CCNI: variants seen among roughly 807,000 people sequenced by gnomAD.
CCNI encodes cyclin-I.
A neutral mutation model predicts 34.1 loss-of-function variants in CCNI; 14 were observed. The ratio of observed to expected loss-of-function variants is 0.41; its 90% CI spans 0.27 to 0.64. The LOEUF is 0.64. Among genes scored for constraint, CCNI ranks in the 30% least tolerant of loss-of-function variants. CCNI has a pLI of 0.31. For synonymous variants in CCNI, 154 were observed against 158.4 expected (o/e 0.97, Z 0.21); for missense variants, 385 against 440.5 (o/e 0.87, Z 1.13).
In CCNI at chr4:77,066,411, G is replaced by A; in HGVS notation, c.-43-6C>T. 1.4e-5 allele frequency: 23 copies of A among 1,604,612 alleles called. No individual in the cohort carries two copies. The highest frequency in any genetic ancestry group is 1.9e-5 in the Non-Finnish European group (22 of 1,176,326). ...ACCCAGCTTGCTGTAGCTACCTACA[G>A]AATCAAGTAAGTTTTAAAATTAGTT... On this transcript the variant is annotated splice_polypyrimidine_tract_variant and splice_region_variant and intron_variant, in intron 1 of 6. Transcript: ENST00000237654.
At chr4:77,072,121 G>A (rs1175613617) in intron 1 of CCNI, among the ~76,000 whole-genome samples, 1 of 151,884 alleles carries the variant, frequency 6.6e-6, no homozygotes, top group South Asian at 2.1e-4. Context: ...CAAAATACTA[G>A]CAAACTGAAT....
At chr4:77,053,194 T>TC (rs1727985622) in intron 6 of CCNI, among the ~76,000 whole-genome samples, 2 of 152,188 alleles carry the variant, frequency 1.3e-5, no homozygotes, top group Admixed American at 6.5e-5. Context: ...AAGATTTTCT[T>TC]TGGGGAAGGG....
intron 2 of CCNI, among the ~76,000 whole-genome samples, chr4:77,060,247 A>G (rs534368237): frequency 2.6e-5 from 4 of 152,376 alleles, no homozygotes; most frequent in African/African-American, 9.6e-5. Flanking sequence ...GGAGATTATC[A>G]TATAGTTATA....
Position 77,075,514 on chromosome 4 carries a change from G to A in CCNI, c.-86C>T, listed in dbSNP as rs928680119. The A allele has an allele frequency of 1.8e-5, 18 of 988,188 alleles. No homozygotes were observed. Among genetic ancestry groups the A allele is most frequent in the Non-Finnish European group, 2.2e-5 (18 of 830,482 alleles). 61.2% of individuals were successfully genotyped at this position (988,188 alleles called of 1,614,324 possible). ...CCTCCTCCTCCTCCCCGGCAGAGCTGTAGGCCTCACAGTGGTGACGCGGGG... is the reference window on the plus strand; with the variant it reads ...CCTCCTCCTCCTCCCCGGCAGAGCTATAGGCCTCACAGTGGTGACGCGGGG... On this transcript the variant is annotated 5_prime_UTR_variant, in exon 1 of 7. Coordinates refer to ENST00000237654, the MANE Select transcript of CCNI (RefSeq NM_006835.3).
At chr4:77,053,787 T>A (rs966295216) in intron 6 of CCNI, among the ~76,000 whole-genome samples, 3 of 152,182 alleles carry the variant, frequency 2.0e-5, no homozygotes, top group African/African-American at 7.2e-5. Context: ...ATATTCAACT[T>A]TTCTTTCTAA....
rs1241564761 is a variant in CCNI, at chr4:77,066,093, CCT to C, written c.114+154_114+155del. ...TCCAGACTGGATGACAGAGTGAGAC[CCT>C]GTTACACAAAAAAGAAACAGGGAGA... On this transcript the variant is annotated intron_variant, in intron 2 of 6. Coordinates refer to ENST00000237654, the MANE Select transcript of CCNI (RefSeq NM_006835.3). 4.9e-6 allele frequency: 3 copies of C among 616,928 alleles called. No homozygotes were observed. In the East Asian group the frequency reaches 8.9e-5, roughly 18 times the overall value. The allele number at this position is 616,928 out of a possible 1,614,324, so 38.2% of individuals were successfully genotyped here.
intron 2 of CCNI, among the ~76,000 whole-genome samples, chr4:77,061,189 A>G (rs1470607688): frequency 6.6e-6 from 1 of 152,226 alleles, no homozygotes; most frequent in Non-Finnish European, 1.5e-5. Context: ...AGAAGACTCA[A>G]TTTAACTGAA....
rs1491148894 is a variant in CCNI, at chr4:77,075,895, A to AAAAG, written c.-468_-467insCTTT. Reference sequence around the variant, plus strand: ...AGGGGGGGAGGGGAGAAAAGAAAAGAAAAAAAAAAAAAGAAAGGGGAAAGG... The same window carrying AAAAG: ...AGGGGGGGAGGGGAGAAAAGAAAAGAAAAGAAAAAAAAAAAAGAAAGGGGAAAGG... On this transcript the variant is annotated 5_prime_UTR_variant, in exon 1 of 7. Coordinates refer to ENST00000237654, the MANE Select transcript of CCNI (RefSeq NM_006835.3). 4.6e-4 allele frequency: 53 copies of AAAAG among 114,672 alleles called. No individual in the cohort carries two copies. The highest frequency in any genetic ancestry group is 1.9e-3 in the African/African-American group (50 of 25,820). The allele number at this position is 114,672 out of a possible 1,614,324, so 7.1% of individuals were successfully genotyped here.
chr4:77,062,630 G>A (rs1015763971), intron 2 of CCNI, among the ~76,000 whole-genome samples: 60 of 152,158 alleles, frequency 3.9e-4, no homozygotes, highest in African/African-American at 1.4e-3. Flanking sequence ...CTAAACTCCA[G>A]TTGAGAATGA....
Position 77,072,638 on chromosome 4 carries a change from TAAAAAAAAAAAAA to T in CCNI, c.-44+2821_-44+2833del, listed in dbSNP as rs61247567. Among the ~76,000 whole-genome samples the T allele has an allele frequency of 1.8e-4, 18 of 101,394 alleles. No individual in the cohort carries two copies. In the East Asian group the frequency reaches 4.5e-3, roughly 25 times the overall value. 66.5% of individuals were successfully genotyped at this position (101,394 alleles called of 152,430 possible). A position where few individuals can be genotyped will look rare whatever the true frequency, so the allele number is the denominator to read the frequency against. On this transcript the variant is annotated intron_variant, in intron 1 of 6. Transcript: ENST00000237654. The stretch of plus-strand genomic sequence containing the variant: ...GGTAACAAAGTGAGACCCAATCTCT[TAAAAAAAAAAAAA>T]AAAAAAAAAAGAAAAGAAACGAAAC...
Position 77,048,654 on chromosome 4 carries a change from G to A in CCNI, c.699C>T (p.Ser233=). 6.6e-7 allele frequency: 1 copy of A among 1,524,224 alleles called. No individual in the cohort carries two copies. Among genetic ancestry groups the A allele is most frequent in the Non-Finnish European group, 8.8e-7 (1 of 1,136,612 alleles). The allele number at this position is 1,524,224 out of a possible 1,614,324, so 94.4% of individuals were successfully genotyped here. Residue 233 remains serine (S), a synonymous_variant, in exon 7 of 7, where the codon AGC becomes AGT. Coordinates refer to ENST00000237654, the MANE Select transcript of CCNI (RefSeq NM_006835.3). ...IELLQKAQMD[S]SQLIHCRELV... is the part of the protein sequence containing the mutation. ...GCTCCCGACAATGGATCAACTGGGAGCTATCCATCTGGGCCAGGAAAAAAA... is the reference window on the plus strand; with the variant it reads ...GCTCCCGACAATGGATCAACTGGGAACTATCCATCTGGGCCAGGAAAAAAA...
At chr4:77,057,197 A>G (rs1325818517) in intron 3 of CCNI, among the ~76,000 whole-genome samples, 1 of 152,164 alleles carries the variant, frequency 6.6e-6, no homozygotes, top group Admixed American at 6.5e-5. Context: ...CCTACTTTTC[A>G]CAGATAATTC....
rs1729932974 is a variant in CCNI at position 77,075,910 on chromosome 4, AAG to A, written c.-484_-483del. On this transcript the variant is annotated 5_prime_UTR_variant, in exon 1 of 7. Coordinates refer to ENST00000237654, the MANE Select transcript of CCNI (RefSeq NM_006835.3). ...AAAAGAAAAGAAAAAAAAAAAAAGA[AAG>A]GGGAAAGGGGGGAAAAATAAGAAAA... The A allele has an allele frequency of 6.8e-6, 1 of 146,824 alleles. No homozygotes were observed. The highest frequency in any genetic ancestry group is 2.3e-4 in the South Asian group (1 of 4,306). The allele number at this position is 146,824 out of a possible 1,614,324, so 9.1% of individuals were successfully genotyped here.
At position 77,075,779 on chromosome 4, in the gene CCNI, C is replaced by T. The variant is rs2109866069; in HGVS notation, c.-351G>A. ...CCCGGGTTGGGAGGGGGCTCCCTCTCGCCATAGGGCGGCGGGGGCCGGGGA... is the reference window on the plus strand; with the variant it reads ...CCCGGGTTGGGAGGGGGCTCCCTCTTGCCATAGGGCGGCGGGGGCCGGGGA... On this transcript the variant is annotated 5_prime_UTR_variant, in exon 1 of 7. Coordinates refer to ENST00000237654, the MANE Select transcript of CCNI (RefSeq NM_006835.3). 2 of 154,068 alleles carry T rather than the reference C, an allele frequency of 1.3e-5. No individual in the cohort carries two copies. Among genetic ancestry groups the T allele is most frequent in the Non-Finnish European group, 2.8e-5 (2 of 70,446 alleles). 9.5% of individuals were successfully genotyped at this position (154,068 alleles called of 1,614,324 possible).
At chr4:77,061,182 A>C (rs1440690425) in intron 2 of CCNI, among the ~76,000 whole-genome samples, 1 of 152,234 alleles carries the variant, frequency 6.6e-6, no homozygotes, top group African/African-American at 2.4e-5. Context: ...CAGTTTAAGA[A>C]GACTCAATTT....
In CCNI at chr4:77,056,050, G is replaced by A; in HGVS notation, c.371C>T (p.Ser124Leu). ...TCTCTCCATTCTCAAAATTTCAGAT[G>A]AGGAACATCCACAGAAACTGTCTCT... ...LARDSFCGCSSSEILRMERII... is the reference protein window; with the variant it reads ...LARDSFCGCSLSEILRMERII... The change falls in exon 5 of 7, where the codon TCA becomes TTA. Residue 124 changes from serine to leucine, a missense_variant. By Grantham distance (145) the Ser-to-Leu change is moderately radical. Coordinates refer to ENST00000237654, the MANE Select transcript of CCNI (RefSeq NM_006835.3). 6.2e-7 allele frequency: 1 copy of A among 1,613,618 alleles called. No individual in the cohort carries two copies. The highest frequency in any genetic ancestry group is 8.5e-7 in the Non-Finnish European group (1 of 1,179,588).
intron 3 of CCNI, among the ~76,000 whole-genome samples, chr4:77,057,962 T>G (rs193017899): frequency 1.1e-4 from 16 of 152,270 alleles, no homozygotes; most frequent in African/African-American, 3.9e-4. Context: ...AATCAAGAGA[T>G]AAAAAATTTC....
intron 3 of CCNI, among the ~76,000 whole-genome samples, chr4:77,057,617 T>C (rs1728328869): frequency 6.6e-6 from 1 of 152,246 alleles, no homozygotes; most frequent in African/African-American, 2.4e-5. Flanking sequence ...AAATGCTCAT[T>C]TTCTGCTTTA....
rs4252864 is a variant in CCNI, at chr4:77,059,158, G to A, written c.115-523C>T. ...GATGAATTATACACTTAGAGATGAT[G>A]AAAAAATATTGAACAGGAAATTAAT... On this transcript the variant is annotated intron_variant, in intron 2 of 6. Coordinates refer to ENST00000237654, the MANE Select transcript of CCNI (RefSeq NM_006835.3). Among the ~76,000 whole-genome samples the A allele has an allele frequency of 7.2e-3, 1,101 of 152,004 alleles. 15 individuals carry two copies. Among genetic ancestry groups the A allele is most frequent in the African/African-American group, 0.025 (1,036 of 41,492 alleles).
Sources: allele counts gnomAD v4.1 joint callset (sites outside exome capture counted in the v4.1 genomes callset), GRCh38; gene constraint gnomAD v4.1.1; transcripts MANE v1.5; gene names NCBI Gene and HGNC (gene_info 2026-07-23, HGNC 2026-07-21).